The following SEMA4D variants were observed in gnomAD, a reference collection of about 807,000 sequenced individuals.
The protein encoded by SEMA4D is semaphorin-4D.
A neutral mutation model predicts 74.8 loss-of-function variants in SEMA4D; 22 were observed. The ratio of observed to expected loss-of-function variants is 0.29; its 90% CI spans 0.21 to 0.42. The LOEUF (loss-of-function observed/expected upper bound fraction) is 0.42, where lower values mean the gene tolerates loss of function less well. SEMA4D is among the 10% of genes least tolerant of loss of function. The probability of loss-of-function intolerance (pLI) is 1.00; values close to 1 mark genes in which losing one functional copy is unlikely to be tolerated. For synonymous variants in SEMA4D, 445 were observed against 463.7 expected (o/e 0.96, Z 0.52); for missense variants, 937 against 1,118.4 (o/e 0.84, Z 2.31).
intron 2 of SEMA4D, among the ~76,000 whole-genome samples, chr9:89,425,062 C>A (rs1027689753): frequency 1.3e-5 from 2 of 152,190 alleles, no homozygotes; most frequent in Admixed American, 1.3e-4. Context: ...CCTATCTAGA[C>A]CCAGCCCCCC....
intron 18 of SEMA4D, chr9:89,362,460 G>A (rs1413306853): frequency 3.7e-6 from 6 of 1,613,878 alleles, no homozygotes; most frequent in African/African-American, 1.3e-5. Flanking sequence ...TGAATCCTTG[G>A]TGGAACGGAT....
At chr9:89,424,299 C>A (rs1020496375) in intron 2 of SEMA4D, among the ~76,000 whole-genome samples, 5 of 152,214 alleles carry the variant, frequency 3.3e-5, no homozygotes, top group Admixed American at 6.5e-5. Context: ...GCGGCCCACA[C>A]CAAGGTGCGG....
At chr9:89,366,327 C>A (rs1404045405) in intron 16 of SEMA4D, among the ~76,000 whole-genome samples, 1 of 151,896 alleles carries the variant, frequency 6.6e-6, no homozygotes, top group African/African-American at 2.4e-5. Context: ...CCTGGAGTTT[C>A]CAAACTTATA....
chr9:89,421,923 G>A (rs1036165872), intron 2 of SEMA4D, among the ~76,000 whole-genome samples: 2 of 152,160 alleles, frequency 1.3e-5, no homozygotes, highest in Non-Finnish European at 2.9e-5. Context: ...CAAAAGGAGT[G>A]TGCTTCATTT....
chr9:89,478,698 G>A (rs1033166742), intron 1 of SEMA4D, among the ~76,000 whole-genome samples: 2 of 152,014 alleles, frequency 1.3e-5, no homozygotes, highest in Non-Finnish European at 2.9e-5. Flanking sequence ...CCCTTGTTAG[G>A]GGTCTGCCTC....
chr9:89,483,114 G>A (rs11265913), intron 1 of SEMA4D, among the ~76,000 whole-genome samples: 37,158 of 152,040 alleles, frequency 0.24, 4,759 homozygotes, highest in Middle Eastern at 0.33. Context: ...TGCTCCAACC[G>A]TGCTCTTGTG....
intron 2 of SEMA4D, among the ~76,000 whole-genome samples, chr9:89,408,498 T>TC (rs1843779588): frequency 6.6e-6 from 1 of 152,298 alleles, no homozygotes; most frequent in East Asian, 1.9e-4. Flanking sequence ...GGAGCAATGA[T>TC]CCCCTGGCAT....
Position 89,467,530 on chromosome 9 carries a change from GA to G in SEMA4D, c.-309-11578del, listed in dbSNP as rs139815466. On this transcript the variant is annotated intron_variant, in intron 1 of 15. Transcript: ENST00000422704. ...GGGGGAACCACACCTGGGAGCGCATGATTTTTTTTTTTTTTTTTTGAGACAG... is the reference window on the plus strand; with the variant it reads ...GGGGGAACCACACCTGGGAGCGCATGTTTTTTTTTTTTTTTTTTGAGACAG... Among the ~76,000 whole-genome samples, 32 of 137,512 alleles carry G rather than the reference GA, an allele frequency of 2.3e-4. 1 individual carries two copies. The highest frequency in any genetic ancestry group is 8.7e-4 in the Admixed American group (12 of 13,838). 90.2% of individuals were successfully genotyped at this position (137,512 alleles called of 152,430 possible).
intron 1 of SEMA4D, among the ~76,000 whole-genome samples, chr9:89,460,651 T>C (rs1856990628): frequency 6.6e-6 from 1 of 152,190 alleles, no homozygotes; most frequent in Admixed American, 6.5e-5. Context: ...CAAGAATATG[T>C]CAGAGATACC....
intron 2 of SEMA4D, among the ~76,000 whole-genome samples, chr9:89,448,988 C>T (rs59647341): frequency 0.016 from 2,493 of 152,290 alleles, 75 homozygotes; most frequent in African/African-American, 0.056. Context: ...AGGCTGAGCA[C>T]GCCCATTGAT....
chr9:89,388,062 C>CATTTTACTA (rs945813917), intron 11 of SEMA4D, among the ~76,000 whole-genome samples: 1 of 152,178 alleles, frequency 6.6e-6, no homozygotes, highest in African/African-American at 2.4e-5. Context: ...TGAGTGAACA[C>CATTTTACTA]ATTTTACGAA....
intron 8 of SEMA4D, among the ~76,000 whole-genome samples, chr9:89,392,054 G>A (rs1351738400): frequency 6.6e-6 from 1 of 152,264 alleles, no homozygotes; most frequent in African/African-American, 2.4e-5. Flanking sequence ...TGGGCCCGGA[G>A]GCAGGTCCCA....
intron 1 of SEMA4D, among the ~76,000 whole-genome samples, chr9:89,487,261 C>T (rs1825267993): frequency 6.6e-6 from 1 of 151,558 alleles, no homozygotes; most frequent in Non-Finnish European, 1.5e-5. Flanking sequence ...TGTAATTCAC[C>T]ATATTTACAA....
intron 16 of SEMA4D, among the ~76,000 whole-genome samples, chr9:89,370,575 T>C (rs1293566572): frequency 1.3e-5 from 2 of 149,472 alleles, no homozygotes; most frequent in African/African-American, 4.9e-5. Flanking sequence ...GTGGTATGTC[T>C]GCTGTGTGGT....
At chr9:89,417,589 C>T (rs1845986808) in intron 2 of SEMA4D, among the ~76,000 whole-genome samples, 1 of 152,224 alleles carries the variant, frequency 6.6e-6, no homozygotes, top group Non-Finnish European at 1.5e-5. Flanking sequence ...ACTGAAAATG[C>T]ATGGCTTGGA....
At chr9:89,400,358 CCT>C (rs932091245) in intron 4 of SEMA4D, among the ~76,000 whole-genome samples, 12 of 152,240 alleles carry the variant, frequency 7.9e-5, no homozygotes, top group African/African-American at 2.2e-4. Flanking sequence ...CAAAATGCCC[CCT>C]CTCTCTGTGA....
intron 1 of SEMA4D, among the ~76,000 whole-genome samples, chr9:89,490,310 C>T (rs1185967130): frequency 1.3e-5 from 2 of 152,194 alleles, no homozygotes; most frequent in African/African-American, 4.8e-5. Flanking sequence ...TGCCGGTATG[C>T]ACAGCAACAT....
chr9:89,441,652 A>T (rs569064682), intron 2 of SEMA4D, among the ~76,000 whole-genome samples: 5 of 152,280 alleles, frequency 3.3e-5, no homozygotes, highest in African/African-American at 1.2e-4. Flanking sequence ...GCTCCTCCTC[A>T]GGGCTCCTGG....
chr9:89,425,411 A>T (rs1032520863), intron 2 of SEMA4D, among the ~76,000 whole-genome samples: 10 of 152,222 alleles, frequency 6.6e-5, no homozygotes, highest in Non-Finnish European at 1.0e-4. Flanking sequence ...ACCCGCCATA[A>T]GGCAAGGGTG....
Sources: allele counts gnomAD v4.1 joint callset (sites outside exome capture counted in the v4.1 genomes callset), GRCh38; gene constraint gnomAD v4.1.1; transcripts MANE v1.5; gene names NCBI Gene and HGNC (gene_info 2026-07-23, HGNC 2026-07-21).